ZNF362: variants seen among roughly 807,000 people sequenced by gnomAD.
The protein encoded by ZNF362 is rotund homolog.
A neutral mutation model predicts 42.9 loss-of-function variants in ZNF362; 11 were observed. That is an observed-to-expected ratio of 0.26 (90% CI 0.16 to 0.42). The LOEUF is 0.42. ZNF362 is among the 20% of genes least tolerant of loss of function. The pLI is 1.00. For missense variants in ZNF362, 362 were observed against 576.2 expected, an observed-to-expected ratio of 0.63 and a Z score of 3.81; for synonymous variants, 255 against 257.3, an observed-to-expected ratio of 0.99 and a Z score of 0.09.
At chr1:33,233,119 C>T in the ZNF362 span, among the ~76,000 whole-genome samples, 1 of 152,192 alleles carries the variant, frequency 6.6e-6, no homozygotes, top group Non-Finnish European at 1.5e-5. Context: ...ACTCTTCAGG[C>T]TCTCTGCTCC....
intron 2 of ZNF362, chr1:33,274,826 C>T (rs1340931065): frequency 3.7e-6 from 2 of 538,176 alleles, no homozygotes; most frequent in African/African-American, 4.1e-5. Context: ...CTTCCCCTCT[C>T]TCTGAGCCTC....
chr1:33,299,030 G>T lies in ZNF362; in HGVS notation c.1247G>T (p.Arg416Leu). 6.2e-7 allele frequency: 1 copy of T among 1,609,974 alleles called. No homozygotes were observed. The part of the protein sequence containing the change: ...QRTESPGIPV[R>L]ISLI ...ACGGAGTCCCCCGGCATCCCGGTGC[G>T]AATCTCTCTCATCTGAGCCCACTGG... The change falls in exon 9 of 9, where the codon CGA becomes CTA. Residue 416 changes from arginine to leucine, a missense_variant. Coordinates refer to ENST00000539719, the MANE Select transcript of ZNF362 (RefSeq NM_152493.3).
chr1:33,144,036 T>C, the ZNF362 span, among the ~76,000 whole-genome samples: 1 of 152,332 alleles, frequency 6.6e-6, no homozygotes, highest in East Asian at 1.9e-4. Context: ...GTACAGAAGA[T>C]AGTGTCTGAT....
chr1:33,143,830 T>A, the ZNF362 span, among the ~76,000 whole-genome samples: 1,274 of 152,324 alleles, frequency 8.4e-3, 17 homozygotes, highest in African/African-American at 0.029. Context: ...GGAGACACAG[T>A]AGCAAATGGA....
chr1:33,171,078 A>T, the ZNF362 span, among the ~76,000 whole-genome samples: 1 of 152,076 alleles, frequency 6.6e-6, no homozygotes, highest in African/African-American at 2.4e-5. Flanking sequence ...ATCTGGTCCA[A>T]CCCCTTGGAT....
chr1:33,147,104 G>T, the ZNF362 span: 20 of 1,536,860 alleles, frequency 1.3e-5, no homozygotes, highest in Admixed American at 3.7e-5. This position sits in a 1 kb window ranked among gnomAD's most constrained non-coding sequence, Gnocchi z 8.1. Context: ...TGGAGTCCAG[G>T]TCTTCTATCT....
At chr1:33,137,989 T>C in the ZNF362 span, among the ~76,000 whole-genome samples, 1 of 152,222 alleles carries the variant, frequency 6.6e-6, no homozygotes, top group African/African-American at 2.4e-5. Flanking sequence ...GGTGGGCTTC[T>C]ACTTACTGCA....
chr1:33,149,519 A>T, the ZNF362 span, among the ~76,000 whole-genome samples: 1 of 151,926 alleles, frequency 6.6e-6, no homozygotes, highest in Admixed American at 6.6e-5. Flanking sequence ...CAGTAGTGTC[A>T]TCATAGCTCA....
the ZNF362 span, among the ~76,000 whole-genome samples, chr1:33,129,787 G>C: frequency 6.6e-6 from 1 of 152,126 alleles, no homozygotes; most frequent in South Asian, 2.1e-4. This position sits in a 1 kb window ranked among gnomAD's most constrained non-coding sequence, Gnocchi z 4.1. Flanking sequence ...GACAATAAAG[G>C]GTGATGTTCC....
upstream of ZNF362, among the ~76,000 whole-genome samples, chr1:33,252,019 C>A (rs1281537609): frequency 6.6e-6 from 1 of 152,110 alleles, no homozygotes; most frequent in Non-Finnish European, 1.5e-5. Flanking sequence ...GGTGTGTCAC[C>A]TCCAGGCAGA....
chr1:33,226,271 G>A, the ZNF362 span, among the ~76,000 whole-genome samples: 1 of 152,134 alleles, frequency 6.6e-6, no homozygotes, highest in African/African-American at 2.4e-5. Context: ...CAGAAATATT[G>A]AATGATTTTT....
At chr1:33,197,760 A>C in the ZNF362 span, among the ~76,000 whole-genome samples, 1 of 152,224 alleles carries the variant, frequency 6.6e-6, no homozygotes, top group Non-Finnish European at 1.5e-5. Context: ...GCAGAGTCCC[A>C]GAAAGGAGAG....
At chr1:33,196,767 G>T in the ZNF362 span, among the ~76,000 whole-genome samples, 1 of 152,070 alleles carries the variant, frequency 6.6e-6, no homozygotes, top group African/African-American at 2.4e-5. Context: ...TATATGACTG[G>T]CAGTGCAGTA....
the ZNF362 span, among the ~76,000 whole-genome samples, chr1:33,185,378 C>CGCCAA: frequency 6.6e-6 from 1 of 151,708 alleles, no homozygotes; most frequent in East Asian, 2.0e-4. Flanking sequence ...CCCGCCACCA[C>CGCCAA]GCCAAGCTAA....
At chr1:33,189,404 A>G in the ZNF362 span, among the ~76,000 whole-genome samples, 6 of 151,656 alleles carry the variant, frequency 4.0e-5, no homozygotes, top group African/African-American at 9.7e-5. Flanking sequence ...CCACCCTTCA[A>G]TGGATTACTG....
the ZNF362 span, among the ~76,000 whole-genome samples, chr1:33,218,772 CA>C: frequency 2.0e-5 from 3 of 151,994 alleles, no homozygotes; most frequent in African/African-American, 7.3e-5. Context: ...AACCTTAACC[CA>C]TCTGGTTTCT....
chr1:33,295,061 C>T (rs775940640), intron 7 of ZNF362, 46 bp downstream of exon 7: 15 of 1,610,832 alleles, frequency 9.3e-6, no homozygotes, highest in Non-Finnish European at 1.2e-5. Flanking sequence ...CTGGTGCCCC[C>T]CCACCCACCC....
the ZNF362 span, among the ~76,000 whole-genome samples, chr1:33,239,755 AG>A: frequency 5.9e-5 from 9 of 152,308 alleles, no homozygotes; most frequent in Admixed American, 2.6e-4. Context: ...TGACACGTGG[AG>A]ATTACAGGGA....
the ZNF362 span, among the ~76,000 whole-genome samples, chr1:33,136,997 C>CAA: frequency 0.016 from 1,926 of 119,402 alleles, 33 homozygotes; most frequent in East Asian, 0.056. Flanking sequence ...ACTCAGTCTC[C>CAA]AAAAAAAAAA....
Sources: allele counts gnomAD v4.1 joint callset (sites outside exome capture counted in the v4.1 genomes callset), GRCh38; gene constraint gnomAD v4.1.1; non-coding constraint Gnocchi (gnomAD v3.1); transcripts MANE v1.5; gene names NCBI Gene and HGNC (gene_info 2026-07-23, HGNC 2026-07-21).